Variants in ARHGEF12 observed in about 807,000 individuals in gnomAD.
ARHGEF12 encodes the protein Rho guanine nucleotide exchange factor 12.
ARHGEF12 carries 66 observed loss-of-function variants against 211.2 expected under a neutral mutation model. The observed-to-expected ratio is 0.31, with a 90% confidence interval of 0.26 to 0.38. The LOEUF (loss-of-function observed/expected upper bound fraction) is 0.38, where lower values mean the gene tolerates loss of function less well. Ranked by LOEUF, ARHGEF12 falls within the 10% of genes least tolerant of loss-of-function variation. The pLI, the probability that ARHGEF12 is intolerant of heterozygous loss-of-function variation, is 1.00. For missense variants in ARHGEF12, 1,429 were observed against 1,869.5 expected, an observed-to-expected ratio of 0.76 and a Z score of 4.34; for synonymous variants, 592 against 638.4, an observed-to-expected ratio of 0.93 and a Z score of 1.09.
intron 4 of ARHGEF12, among the ~76,000 whole-genome samples, chr11:120,414,754 A>G (rs981398055): frequency 6.6e-6 from 1 of 152,226 alleles, no homozygotes; most frequent in Admixed American, 6.5e-5. Flanking sequence ...AAACGTGTTT[A>G]TTATTACTGT....
intron 1 of ARHGEF12, among the ~76,000 whole-genome samples, chr11:120,371,476 A>G (rs1249708846): frequency 6.6e-6 from 1 of 152,244 alleles, no homozygotes; most frequent in Admixed American, 6.5e-5. Context: ...AACAAGAGCG[A>G]ACCTCCGTCT....
chr11:120,397,504 T>G (rs1944426447), intron 1 of ARHGEF12, among the ~76,000 whole-genome samples: 1 of 152,234 alleles, frequency 6.6e-6, no homozygotes. Flanking sequence ...ATAACATTCT[T>G]TATTATGCTG....
At chr11:120,461,538 A>G (rs1946530743) in intron 27 of ARHGEF12, among the ~76,000 whole-genome samples, 1 of 152,212 alleles carries the variant, frequency 6.6e-6, no homozygotes, top group African/African-American at 2.4e-5. Context: ...ATGGTAAACA[A>G]TCATTGGCTT....
At position 120,476,717 on chromosome 11, in the gene ARHGEF12, C is replaced by T; in HGVS notation, c.3334C>T (p.Leu1112=). 1 of 1,612,908 alleles carries T rather than the reference C, an allele frequency of 6.2e-7. No homozygotes were observed. Among genetic ancestry groups the T allele is most frequent in the Non-Finnish European group, 8.5e-7 (1 of 1,179,482 alleles). Residue 1112 remains leucine, a synonymous_variant, in exon 34 of 41, where the codon CTG becomes TTG. Coordinates refer to ENST00000397843, the MANE Select transcript of ARHGEF12 (RefSeq NM_015313.3). ...MSDNGAQIYE[L]VAQTVSEKTV... ...AGACAATGGCGCTCAGATTTATGAA[C>T]TGGTGGCACAGACAGTTTCTGAAAA...
At chr11:120,407,299 A>G (rs779603537) in intron 2 of ARHGEF12, among the ~76,000 whole-genome samples, 2 of 152,228 alleles carry the variant, frequency 1.3e-5, no homozygotes, top group Non-Finnish European at 2.9e-5. Flanking sequence ...AGGCTTGCCT[A>G]AGGCTGCTTT....
At chr11:120,462,315 C>G (rs543177737) in intron 27 of ARHGEF12, among the ~76,000 whole-genome samples, 2 of 152,128 alleles carry the variant, frequency 1.3e-5, no homozygotes, top group African/African-American at 2.4e-5. Flanking sequence ...AGAACACACA[C>G]AACATTTTTC....
intron 1 of ARHGEF12, among the ~76,000 whole-genome samples, chr11:120,345,078 C>G (rs1942662243): frequency 6.6e-6 from 1 of 152,178 alleles, no homozygotes; most frequent in East Asian, 1.9e-4. Flanking sequence ...GCTTGTCCAA[C>G]CTGCCTTATT....
chr11:120,487,407 A>G lies in ARHGEF12; in HGVS notation c.*2330A>G, dbSNP rs1395747007. On this transcript the variant is annotated 3_prime_UTR_variant, in exon 41 of 41. Coordinates refer to ENST00000397843, the MANE Select transcript of ARHGEF12 (RefSeq NM_015313.3). ...TGAAGTCTAATTCTGAAAATATCTC[A>G]CAATTTTTGAATGTTCTTTTTATCT... 2 of 217,908 alleles carry G rather than the reference A, an allele frequency of 9.2e-6. No homozygotes were observed. Among genetic ancestry groups the G allele is most frequent in the Non-Finnish European group, 1.8e-5 (2 of 108,614 alleles). The allele number at this position is 217,908 out of a possible 1,614,324, so 13.5% of individuals were successfully genotyped here. A position where few individuals can be genotyped will look rare whatever the true frequency, so the allele number is the denominator to read the frequency against.
intron 17 of ARHGEF12, 53 bp from the exon 18 acceptor site, chr11:120,446,895 A>G: frequency 6.3e-7 from 1 of 1,582,294 alleles, no homozygotes. Context: ...GCGTCCCCAG[A>G]ATGAGGTAGT....
At chr11:120,367,353 CTTTTTTTTTT>C (rs1025919456) in intron 1 of ARHGEF12, among the ~76,000 whole-genome samples, 261 of 59,338 alleles carry the variant, frequency 4.4e-3, no homozygotes, top group South Asian at 0.036. Context: ...ATACTTTTTC[CTTTTTTTTTT>C]TTTTTTTTTT....
intron 1 of ARHGEF12, among the ~76,000 whole-genome samples, chr11:120,384,070 G>C (rs1172932164): frequency 6.6e-6 from 1 of 152,158 alleles, no homozygotes; most frequent in Non-Finnish European, 1.5e-5. Context: ...GAGAAACTGA[G>C]ACCTCGGTAT....
rs1464138159 is a variant in ARHGEF12 at position 120,486,651 on chromosome 11, G to T, written c.*1574G>T. 4.5e-6 allele frequency: 1 copy of T among 223,630 alleles called. No homozygotes were observed. The highest frequency in any genetic ancestry group is 8.9e-6 in the Non-Finnish European group (1 of 112,002). 13.9% of individuals were successfully genotyped at this position (223,630 alleles called of 1,614,324 possible). A position where few individuals can be genotyped will look rare whatever the true frequency, so the allele number is the denominator to read the frequency against. On this transcript the variant is annotated 3_prime_UTR_variant, in exon 41 of 41. Coordinates refer to ENST00000397843, the MANE Select transcript of ARHGEF12 (RefSeq NM_015313.3). The stretch of plus-strand genomic sequence containing the variant: ...TCATCCGTTGCTCACATCTTTCATT[G>T]GTGCCCTCTGAACTCTGTGGGTTGC...
chr11:120,404,509 AG>A (rs1268630533), intron 1 of ARHGEF12, among the ~76,000 whole-genome samples: 48 of 152,362 alleles, frequency 3.2e-4, no homozygotes, highest in African/African-American at 1.0e-3. Flanking sequence ...ATGATAAGCA[AG>A]TTGGACTGTG....
intron 27 of ARHGEF12, among the ~76,000 whole-genome samples, chr11:120,461,246 A>ATATAT (rs1946520297): frequency 2.6e-5 from 4 of 152,232 alleles, no homozygotes; most frequent in Admixed American, 2.6e-4. Flanking sequence ...TTCTTAAATA[A>ATATAT]TAAGACTTGA....
intron 8 of ARHGEF12, 126 bp from the exon 9 acceptor site, chr11:120,429,313 TA>T: frequency 3.1e-6 from 2 of 647,436 alleles, no homozygotes; most frequent in Non-Finnish European, 5.2e-6. Context: ...AACCCGGAAG[TA>T]AAAACCTAAT....
intron 34 of ARHGEF12, chr11:120,476,959 A>C: frequency 1.7e-6 from 1 of 587,916 alleles, no homozygotes; most frequent in Non-Finnish European, 2.9e-6. Flanking sequence ...TAAAGAAAAA[A>C]TTGTGCAAAA....
At chr11:120,472,677 T>A (rs1036818814) in intron 30 of ARHGEF12, among the ~76,000 whole-genome samples, 1 of 151,728 alleles carries the variant, frequency 6.6e-6, no homozygotes, top group Non-Finnish European at 1.5e-5. Context: ...TTTTTTGAGA[T>A]GGAGTCTTGC....
At chr11:120,351,656 A>G (rs1942977183) in intron 1 of ARHGEF12, among the ~76,000 whole-genome samples, 1 of 151,144 alleles carries the variant, frequency 6.6e-6, no homozygotes, top group African/African-American at 2.4e-5. Context: ...TTTTTAGTAG[A>G]GACGGGGTTT....
intron 1 of ARHGEF12, among the ~76,000 whole-genome samples, chr11:120,369,480 G>A (rs577211821): frequency 9.9e-5 from 15 of 152,160 alleles, no homozygotes; most frequent in Admixed American, 2.0e-4. Context: ...AGATAAAGGA[G>A]AGCTATTTCA....
Sources: allele counts gnomAD v4.1 joint callset (sites outside exome capture counted in the v4.1 genomes callset), GRCh38; gene constraint gnomAD v4.1.1; transcripts MANE v1.5; gene names NCBI Gene and HGNC (gene_info 2026-07-23, HGNC 2026-07-21).